The following CPQ variants were observed in gnomAD, a reference collection of about 807,000 sequenced individuals.
CPQ encodes the protein carboxypeptidase Q.
Under a neutral mutation model 45.7 loss-of-function variants are expected in CPQ, and 37 were observed. The observed-to-expected ratio is 0.81, with a 90% CI of 0.62 to 1.07. CPQ has a LOEUF of 1.07. Ranked by LOEUF, CPQ falls within the 50% of genes least tolerant of loss-of-function variation. The probability of loss-of-function intolerance (pLI) is 0.00; values close to 1 mark genes in which losing one functional copy is unlikely to be tolerated. For missense variants in CPQ, 537 were observed against 572.9 expected, an observed-to-expected ratio of 0.94 and a Z score of 0.64; for synonymous variants, 186 against 205.8, an observed-to-expected ratio of 0.90 and a Z score of 0.82.
chr8:96,928,800 A>G (rs1000013284), intron 4 of CPQ, among the ~76,000 whole-genome samples: 1 of 152,268 alleles, frequency 6.6e-6, no homozygotes, highest in African/African-American at 2.4e-5. Flanking sequence ...TCAGACCCTG[A>G]TGAAGGAAAA....
intron 1 of CPQ, among the ~76,000 whole-genome samples, chr8:96,717,028 T>A (rs1313641988): frequency 7.0e-3 from 39 of 5,554 alleles, no homozygotes; most frequent in South Asian, 0.02. Flanking sequence ...GATATAAATA[T>A]ATATATATAT....
At chr8:96,818,105 G>T (rs1264994178) in intron 2 of CPQ, among the ~76,000 whole-genome samples, 1 of 151,932 alleles carries the variant, frequency 6.6e-6, no homozygotes. Context: ...AGAGGCCATC[G>T]TAGGTTATTA....
chr8:96,967,288 A>G lies in CPQ; in HGVS notation c.961+1242A>G, dbSNP rs577052345. Among the ~76,000 whole-genome samples the G allele has an allele frequency of 1.2e-4, 19 of 152,308 alleles. 1 individual carries two copies. The South Asian group carries it at 3.7e-3, about 30-fold the overall frequency. On this transcript the variant is annotated intron_variant, in intron 5 of 7. Transcript: ENST00000220763. ...TGATTGGAAGCACAGTGGTGGAGTA[A>G]AAAGAGAAATTTTCTTTAGACCCAT...
chr8:96,977,467 A>G (rs553754679), intron 5 of CPQ, among the ~76,000 whole-genome samples: 1 of 152,286 alleles, frequency 6.6e-6, no homozygotes, highest in African/African-American at 2.4e-5. Flanking sequence ...TCTACATTTA[A>G]TCCAGCCATC....
intron 6 of CPQ, among the ~76,000 whole-genome samples, chr8:97,049,867 G>T (rs1204282330): frequency 6.6e-6 from 1 of 152,194 alleles, no homozygotes; most frequent in African/African-American, 2.4e-5. Context: ...GCCACTTTGT[G>T]TCACCCATGC....
chr8:96,942,734 G>A (rs1412490693), intron 4 of CPQ, among the ~76,000 whole-genome samples: 1 of 152,082 alleles, frequency 6.6e-6, no homozygotes, highest in Admixed American at 6.5e-5. Flanking sequence ...AGATTCCTGG[G>A]ACCCATGCTC....
chr8:96,717,660 G>T (rs1809700721), intron 1 of CPQ, among the ~76,000 whole-genome samples: 1 of 152,084 alleles, frequency 6.6e-6, no homozygotes, highest in Non-Finnish European at 1.5e-5. Context: ...TCAGACAATG[G>T]ATTGGGACAT....
chr8:96,874,544 A>C (rs1369762693), intron 3 of CPQ, among the ~76,000 whole-genome samples: 3 of 151,914 alleles, frequency 2.0e-5, no homozygotes, highest in African/African-American at 4.8e-5. Context: ...TTTACATTCT[A>C]TCTAGATCTG....
At chr8:96,940,333 A>G (rs1370427529) in intron 4 of CPQ, among the ~76,000 whole-genome samples, 2 of 152,226 alleles carry the variant, frequency 1.3e-5, no homozygotes, top group Non-Finnish European at 2.9e-5. Context: ...TAGCTCACAT[A>G]CAAAAAGAGA....
chr8:96,804,176 A>G (rs1260022300), intron 2 of CPQ, among the ~76,000 whole-genome samples: 1 of 152,204 alleles, frequency 6.6e-6, no homozygotes. Flanking sequence ...TGTTTGCTCA[A>G]TGACTGGAGG....
In CPQ at chr8:96,930,496, G is replaced by T. The variant is rs868825923; in HGVS notation, c.850-35439G>T. Among the ~76,000 whole-genome samples the T allele has an allele frequency of 9.2e-5, 14 of 152,292 alleles. No homozygotes were observed. The Middle Eastern group carries it at 0.01, about 111-fold the overall frequency. ...TCCTTCACAAACATGATTACCAAAAGTAATAAATAAATACATATCTGGCAG... is the reference window on the plus strand; with the variant it reads ...TCCTTCACAAACATGATTACCAAAATTAATAAATAAATACATATCTGGCAG... On this transcript the variant is annotated intron_variant, in intron 4 of 7. Transcript: ENST00000220763.
At chr8:96,888,652 G>A (rs1812334840) in intron 4 of CPQ, among the ~76,000 whole-genome samples, 1 of 152,156 alleles carries the variant, frequency 6.6e-6, no homozygotes, top group Non-Finnish European at 1.5e-5. Context: ...CCCTTTTTCT[G>A]TGGTACTTCT....
chr8:96,883,327 G>C (rs1036413526), intron 4 of CPQ, among the ~76,000 whole-genome samples: 1 of 152,092 alleles, frequency 6.6e-6, no homozygotes, highest in South Asian at 2.1e-4. Context: ...CTAAATTTAA[G>C]TACCCTTCTC....
intron 1 of CPQ, among the ~76,000 whole-genome samples, chr8:96,681,411 C>T (rs190357747): frequency 3.3e-5 from 5 of 152,174 alleles, no homozygotes; most frequent in African/African-American, 1.2e-4. Context: ...AGGGTGAAAG[C>T]CCCAAGCCTT....
intron 1 of CPQ, among the ~76,000 whole-genome samples, chr8:96,764,950 T>C (rs1388723041): frequency 1.3e-5 from 2 of 152,232 alleles, no homozygotes; most frequent in African/African-American, 4.8e-5. Flanking sequence ...AAGTCCACAA[T>C]TGGCTCCCCC....
At chr8:96,781,441 A>G (rs957021359) in intron 1 of CPQ, among the ~76,000 whole-genome samples, 15 of 152,294 alleles carry the variant, frequency 9.8e-5, no homozygotes, top group African/African-American at 2.6e-4. Flanking sequence ...CACTCCCATG[A>G]TAAATAACCC....
chr8:96,929,119 A>T (rs930430783), intron 4 of CPQ, among the ~76,000 whole-genome samples: 1 of 152,218 alleles, frequency 6.6e-6, no homozygotes, highest in African/African-American at 2.4e-5. Flanking sequence ...ATGATGGAAG[A>T]TAATTCTGAT....
chr8:96,679,653 G>A (rs191840196), intron 1 of CPQ, among the ~76,000 whole-genome samples: 17 of 151,982 alleles, frequency 1.1e-4, no homozygotes, highest in Non-Finnish European at 5.9e-5. Context: ...TAGGTTTTAT[G>A]TGACCAGGAG....
chr8:96,840,350 T>G (rs1335457630), intron 3 of CPQ, among the ~76,000 whole-genome samples: 1 of 152,000 alleles, frequency 6.6e-6, no homozygotes, highest in Non-Finnish European at 1.5e-5. Flanking sequence ...CAGTTTTAAG[T>G]CTAATGTGGA....
Sources: allele counts gnomAD v4.1 joint callset (sites outside exome capture counted in the v4.1 genomes callset), GRCh38; gene constraint gnomAD v4.1.1; transcripts MANE v1.5; gene names NCBI Gene and HGNC (gene_info 2026-07-23, HGNC 2026-07-21).